The following FBXL20 variants were observed in gnomAD, a reference collection of about 807,000 sequenced individuals.
FBXL20 encodes the protein F-box and leucine rich repeat protein 20.
In FBXL20, 11 loss-of-function variants were observed where a neutral mutation model predicts 64.0. The observed-to-expected ratio is 0.17, with a 90% CI of 0.11 to 0.28. The LOEUF (loss-of-function observed/expected upper bound fraction) is 0.28. FBXL20 is among the 10% of genes least tolerant of loss of function. The pLI is 1.00. For missense variants in FBXL20, 303 were observed against 526.2 expected (o/e 0.58, Z 4.15); for synonymous variants, 184 against 189.0 (o/e 0.97, Z 0.22).
At chr17:39,356,678 CAG>C (rs1398928790) in intron 1 of FBXL20, among the ~76,000 whole-genome samples, 2 of 152,110 alleles carry the variant, frequency 1.3e-5, no homozygotes, top group East Asian at 3.9e-4. Context: ...TGTTTTGAGA[CAG>C]GGTATCACTC....
At chr17:39,299,353 A>C (rs1421063370) in intron 4 of FBXL20, among the ~76,000 whole-genome samples, 1 of 152,202 alleles carries the variant, frequency 6.6e-6, no homozygotes, top group Non-Finnish European at 1.5e-5. Flanking sequence ...CTTTGGCATT[A>C]TATGCATATA....
At chr17:39,316,323 C>G (rs914865750) in intron 2 of FBXL20, among the ~76,000 whole-genome samples, 5 of 150,172 alleles carry the variant, frequency 3.3e-5, no homozygotes, top group Non-Finnish European at 7.4e-5. Flanking sequence ...ACATTTTTTT[C>G]TTTCCCCCCG....
At chr17:39,389,549 T>C (rs760567312) in intron 1 of FBXL20, among the ~76,000 whole-genome samples, 1 of 152,188 alleles carries the variant, frequency 6.6e-6, no homozygotes, top group Non-Finnish European at 1.5e-5. Context: ...CCAAGTGCAG[T>C]GGCTCATGCC....
At chr17:39,401,718 CCGGGAGGGGGAGGGG>C (rs958681952), upstream of FBXL20, 7 of 1,114,570 alleles carry the variant, frequency 6.3e-6, no homozygotes, top group African/African-American at 1.7e-5. Context: ...CTCGGAGCGC[CCGGGAGGGGGAGGGG>C]CGGGAGGGGA....
In FBXL20 at chr17:39,256,192, G is replaced by T. The variant is rs949874030; in HGVS notation, c.*5268C>A. 6.6e-6 allele frequency: 1 copy of T among 151,954 alleles called. No individual in the cohort carries two copies. The highest frequency in any genetic ancestry group is 6.6e-5 in the Admixed American group (1 of 15,244). 9.4% of individuals were successfully genotyped at this position (151,954 alleles called of 1,614,324 possible). ...AAACATTAGCTGGGCGTGGTGGTGG[G>T]CACCTGTAATCCTGGCCTCTTGGGA... On this transcript the variant is annotated 3_prime_UTR_variant, in exon 15 of 15. Transcript: ENST00000264658.
At chr17:39,339,318 A>C (rs1278503153) in intron 2 of FBXL20, among the ~76,000 whole-genome samples, 4 of 152,080 alleles carry the variant, frequency 2.6e-5, no homozygotes, top group Non-Finnish European at 5.9e-5. Flanking sequence ...AAATTTAAAA[A>C]TTAGGCAGGT....
chr17:39,314,388 C>T lies in FBXL20; in HGVS notation c.105-10749G>A, dbSNP rs549054280. 4.6e-5 allele frequency among the ~76,000 whole-genome samples: 7 copies of T among 151,996 alleles called. No homozygotes were observed. The South Asian group carries it at 1.3e-3, about 27-fold the overall frequency. ...TCAGAGACGAGTCTCACTCTGTCAC[C>T]CAGGCTGTCACCTGGCTGTAGTGGC... On this transcript the variant is annotated intron_variant, in intron 2 of 14. Coordinates refer to ENST00000264658, the MANE Select transcript of FBXL20 (RefSeq NM_032875.3).
chr17:39,386,236 G>A (rs1041401576), intron 1 of FBXL20, among the ~76,000 whole-genome samples: 3 of 152,060 alleles, frequency 2.0e-5, no homozygotes, highest in Admixed American at 2.0e-4. Context: ...GAACCTGGGA[G>A]GCAGAGGTTG....
intron 1 of FBXL20, among the ~76,000 whole-genome samples, chr17:39,366,282 T>A (rs1452580485): frequency 6.6e-6 from 1 of 152,212 alleles, no homozygotes; most frequent in Non-Finnish European, 1.5e-5. Context: ...GGCTATCATA[T>A]TTTTTTCTAC....
intron 9 of FBXL20, 98 bp downstream of exon 9, chr17:39,281,288 AAAC>A (rs1468861796): frequency 9.3e-7 from 1 of 1,073,838 alleles, no homozygotes; most frequent in Non-Finnish European, 1.4e-6. Flanking sequence ...TGTGGTAGAA[AAAC>A]AATACTGGTC....
In FBXL20 at chr17:39,280,437, C is replaced by T. The variant is rs932433397; in HGVS notation, c.696+952G>A. ...AAAAAAAAAAAGTAGCTGGGTGTGGCGTGTAATCCCAGCAATGCAGAAGGC... is the reference window on the plus strand; with the variant it reads ...AAAAAAAAAAAGTAGCTGGGTGTGGTGTGTAATCCCAGCAATGCAGAAGGC... On this transcript the variant is annotated intron_variant, in intron 9 of 14. Coordinates refer to ENST00000264658, the MANE Select transcript of FBXL20 (RefSeq NM_032875.3). Among the ~76,000 whole-genome samples the T allele has an allele frequency of 3.4e-5, 5 of 146,304 alleles. No individual in the cohort carries two copies. In the South Asian group the frequency reaches 6.4e-4, roughly 19 times the overall value.
chr17:39,330,939 A>G (rs2047454345), intron 2 of FBXL20, among the ~76,000 whole-genome samples: 1 of 152,210 alleles, frequency 6.6e-6, no homozygotes, highest in Admixed American at 6.5e-5. Flanking sequence ...AAGCCTTTAA[A>G]AATAAAATCC....
chr17:39,307,108 G>T (rs2047190279), intron 2 of FBXL20, among the ~76,000 whole-genome samples: 1 of 152,156 alleles, frequency 6.6e-6, no homozygotes, highest in South Asian at 2.1e-4. Flanking sequence ...TTTTCAGCTT[G>T]CCTGAAAGGA....
chr17:39,264,145 A>G lies in FBXL20; in HGVS notation c.1203+30T>C. 3 of 1,598,904 alleles carry G rather than the reference A, an allele frequency of 1.9e-6. No individual in the cohort carries two copies. In the Middle Eastern group the frequency reaches 5.0e-4, roughly 268 times the overall value. ...GAGAGAAGAAAGTGCTGCTAACACT[A>G]GAGTTGGAGAGTTATGTAGCCATTT... is the stretch of plus-strand genomic sequence containing the variant. On this transcript the variant is annotated intron_variant, in intron 14 of 14. Coordinates refer to ENST00000264658, the MANE Select transcript of FBXL20 (RefSeq NM_032875.3).
chr17:39,269,766 G>A (rs1257248270), intron 11 of FBXL20, among the ~76,000 whole-genome samples: 1 of 152,086 alleles, frequency 6.6e-6, no homozygotes, highest in Non-Finnish European at 1.5e-5. Flanking sequence ...CCCAAGTGCT[G>A]GGATTACAGG....
intron 5 of FBXL20, among the ~76,000 whole-genome samples, chr17:39,297,898 A>C (rs1481740653): frequency 1.3e-5 from 2 of 151,784 alleles, no homozygotes; most frequent in African/African-American, 4.8e-5. Flanking sequence ...ACCATGCCCA[A>C]CTAAGTTTTT....
intron 13 of FBXL20, among the ~76,000 whole-genome samples, chr17:39,264,656 C>A (rs542117104): frequency 3.3e-5 from 5 of 152,274 alleles, no homozygotes; most frequent in African/African-American, 1.2e-4. Context: ...AATAAGACAG[C>A]CTTAAAAATT....
At chr17:39,280,406 A>C (rs1006320784) in intron 9 of FBXL20, among the ~76,000 whole-genome samples, 12 of 139,922 alleles carry the variant, frequency 8.6e-5, no homozygotes, top group Middle Eastern at 3.6e-3. Flanking sequence ...TGTCTCAAAA[A>C]AAAAAAAAAA....
chr17:39,331,849 C>G (rs1255579798), intron 2 of FBXL20, among the ~76,000 whole-genome samples: 1 of 152,160 alleles, frequency 6.6e-6, no homozygotes, highest in African/African-American at 2.4e-5. Context: ...TTGAATATTT[C>G]TATTACCAGT....
Sources: allele counts gnomAD v4.1 joint callset (sites outside exome capture counted in the v4.1 genomes callset), GRCh38; gene constraint gnomAD v4.1.1; transcripts MANE v1.5; gene names NCBI Gene and HGNC (gene_info 2026-07-23, HGNC 2026-07-21).